IKZF1: variants seen among roughly 807,000 people sequenced by gnomAD.
IKZF1 encodes the protein DNA-binding protein Ikaros.
IKZF1 carries 10 observed loss-of-function variants against 51.7 expected under a neutral mutation model. The observed-to-expected ratio is 0.19, with a 90% confidence interval of 0.12 to 0.33. IKZF1 has a LOEUF of 0.33. Among genes scored for constraint, IKZF1 ranks in the 10% least tolerant of loss-of-function variants. IKZF1 has a pLI of 1.00. For synonymous variants in IKZF1, 280 were observed against 282.3 expected (o/e 0.99, Z 0.08); for missense variants, 484 against 707.5 (o/e 0.68, Z 3.58).
At chr7:50,364,353 T>C (rs1385088198) in intron 3 of IKZF1, among the ~76,000 whole-genome samples, 1 of 152,230 alleles carries the variant, frequency 6.6e-6, no homozygotes, top group Non-Finnish European at 1.5e-5. Flanking sequence ...TATATGAAAA[T>C]GTGCCTGAGA....
chr7:50,337,409 C>T (rs1798055463), intron 3 of IKZF1, among the ~76,000 whole-genome samples: 1 of 152,174 alleles, frequency 6.6e-6, no homozygotes, highest in African/African-American at 2.4e-5. Flanking sequence ...TGGCGCTCTT[C>T]TCCCTTCCCT....
chr7:50,330,358 G>A (rs1796179558), intron 3 of IKZF1, among the ~76,000 whole-genome samples: 1 of 152,254 alleles, frequency 6.6e-6, no homozygotes, highest in African/African-American at 2.4e-5. Context: ...GCACTGAGAT[G>A]ATTTGGGAGA....
chr7:50,355,791 A>G (rs1325456690), intron 3 of IKZF1, among the ~76,000 whole-genome samples: 3 of 152,230 alleles, frequency 2.0e-5, no homozygotes, highest in Admixed American at 6.5e-5. Flanking sequence ...AAAGCGGTGC[A>G]TTCATTTAAA....
In IKZF1 at chr7:50,370,724, G is replaced by A. The variant is rs530879712; in HGVS notation, c.161-5809G>A. On this transcript the variant is annotated intron_variant, in intron 3 of 7. Transcript: ENST00000331340. ...TCTCTCAGTCAATGAAAGAGCCCAC[G>A]GTGGGCATGAGCCAGAGTGTTCCGG... 3.3e-5 allele frequency among the ~76,000 whole-genome samples: 5 copies of A among 152,318 alleles called. No homozygotes were observed. In the South Asian group the frequency reaches 6.2e-4, roughly 19 times the overall value.
chr7:50,334,864 GTGTA>G (rs1797268951), intron 3 of IKZF1, among the ~76,000 whole-genome samples: 1 of 150,470 alleles, frequency 6.6e-6, no homozygotes, highest in African/African-American at 2.4e-5. Flanking sequence ...GGGTATGTGT[GTGTA>G]TGGGATGTGT....
In IKZF1 at chr7:50,402,346, A is replaced by G. The variant is rs1818275881; in HGVS notation, c.*1719A>G. 3 of 230,418 alleles carry G rather than the reference A, an allele frequency of 1.3e-5. No individual in the cohort carries two copies. Among genetic ancestry groups the G allele is most frequent in the Non-Finnish European group, 2.6e-5 (3 of 116,264 alleles). 14.3% of individuals were successfully genotyped at this position (230,418 alleles called of 1,614,324 possible). On this transcript the variant is annotated 3_prime_UTR_variant, in exon 8 of 8. Transcript: ENST00000331340. ...AGCACTATGACATTTTGGGCTGACT[A>G]CTTATTTGTTAGGCGGGAGCTCTCC...
chr7:50,333,420 A>G (rs1796855492), intron 3 of IKZF1, among the ~76,000 whole-genome samples: 1 of 152,086 alleles, frequency 6.6e-6, no homozygotes, highest in Non-Finnish European at 1.5e-5. Flanking sequence ...CACCATGGAA[A>G]GAAAGCAGCC....
Position 50,400,884 on chromosome 7 carries a change from G to T in IKZF1, c.*257G>T, listed in dbSNP as rs191524366. 6 of 522,646 alleles carry T rather than the reference G, an allele frequency of 1.1e-5. No homozygotes were observed. In the Admixed American group the frequency reaches 2.2e-4, roughly 20 times the overall value. 32.4% of individuals were successfully genotyped at this position (522,646 alleles called of 1,614,324 possible). Reference sequence around the variant, plus strand: ...ACCTTCCTAGATGTTTCCCCAGACCGCTGGCTGAGATTCCCTCACCTGTCG... The same window carrying T: ...ACCTTCCTAGATGTTTCCCCAGACCTCTGGCTGAGATTCCCTCACCTGTCG... On this transcript the variant is annotated 3_prime_UTR_variant, in exon 8 of 8. Coordinates refer to ENST00000331340, the MANE Select transcript of IKZF1 (RefSeq NM_006060.6). This position sits in a 1 kb window ranked among gnomAD's most constrained non-coding sequence, Gnocchi z 5.4.
At chr7:50,357,251 T>A in intron 3 of IKZF1, among the ~76,000 whole-genome samples, 1 of 152,054 alleles carries the variant, frequency 6.6e-6, no homozygotes, top group East Asian at 1.9e-4. Flanking sequence ...TCCTGTTGCC[T>A]GGGGACTTCA....
chr7:50,339,215 T>TTTTG (rs1199222417), intron 3 of IKZF1, among the ~76,000 whole-genome samples: 1 of 126,404 alleles, frequency 7.9e-6, no homozygotes, highest in Non-Finnish European at 1.6e-5. Context: ...TTGGGTAGGG[T>TTTTG]TGTGTGTGTG....
intron 7 of IKZF1, among the ~76,000 whole-genome samples, chr7:50,392,855 A>G (rs1301135904): frequency 6.6e-6 from 1 of 152,164 alleles, no homozygotes; most frequent in East Asian, 1.9e-4. Flanking sequence ...AATGCTGACC[A>G]TGAGGGTTGG....
At chr7:50,352,596 A>T (rs1316258567) in intron 3 of IKZF1, among the ~76,000 whole-genome samples, 2 of 152,162 alleles carry the variant, frequency 1.3e-5, no homozygotes, top group Non-Finnish European at 2.9e-5. Context: ...ACGGGATGGG[A>T]TTGGCTGGTG....
chr7:50,345,417 A>G (rs1800104118), intron 3 of IKZF1, among the ~76,000 whole-genome samples: 2 of 152,214 alleles, frequency 1.3e-5, no homozygotes, highest in African/African-American at 4.8e-5. Flanking sequence ...GTGGAGCTAA[A>G]CAAACTGCAG....
chr7:50,363,494 C>T (rs1010364818), intron 3 of IKZF1, among the ~76,000 whole-genome samples: 1 of 152,094 alleles, frequency 6.6e-6, no homozygotes, highest in Non-Finnish European at 1.5e-5. Context: ...TACCCAGTGC[C>T]CTGGGGAGCT....
Position 50,361,298 on chromosome 7 carries a change from T to G in IKZF1, c.161-15235T>G, listed in dbSNP as rs192272185. On this transcript the variant is annotated intron_variant, in intron 3 of 7. Transcript: ENST00000331340. ...AAAACTTGGGGGTAATTTCTAGAGG[T>G]GCCATCATAGTGCTTCTGTCTACTC... 2.1e-3 allele frequency among the ~76,000 whole-genome samples: 324 copies of G among 152,314 alleles called. 3 individuals carry two copies. The highest frequency in any genetic ancestry group is 7.4e-3 in the African/African-American group (309 of 41,554).
chr7:50,326,152 G>A (rs1222759612), intron 2 of IKZF1, among the ~76,000 whole-genome samples: 1 of 152,212 alleles, frequency 6.6e-6, no homozygotes, highest in Non-Finnish European at 1.5e-5. Flanking sequence ...TACTGGTCTT[G>A]CCAGTCGTCT....
At chr7:50,304,391 G>A (rs1489807179), upstream of IKZF1, 2 of 150,078 alleles carry the variant, frequency 1.3e-5, no homozygotes, top group South Asian at 2.0e-4. Context: ...CTGCGGGGCA[G>A]GTCGAGCAGG....
intron 3 of IKZF1, chr7:50,368,500 C>T: frequency 1.7e-6 from 1 of 593,766 alleles, no homozygotes; most frequent in South Asian, 2.1e-5. Flanking sequence ...ATCTGTGGTT[C>T]TGGAGTATTA....
rs925096680 is a variant in IKZF1, at chr7:50,404,183, T to C, written c.*3556T>C. The C allele has an allele frequency of 4.6e-6, 1 of 215,142 alleles. No individual in the cohort carries two copies. The highest frequency in any genetic ancestry group is 2.3e-5 in the African/African-American group (1 of 44,274). The allele number at this position is 215,142 out of a possible 1,614,324, so 13.3% of individuals were successfully genotyped here. A position where few individuals can be genotyped will look rare whatever the true frequency, so the allele number is the denominator to read the frequency against. ...TAATACAGTTTTTTATAATGTTGTG[T>C]GTGGTGATTGTTCAGGTCGAATCTG... On this transcript the variant is annotated 3_prime_UTR_variant, in exon 8 of 8. Coordinates refer to ENST00000331340, the MANE Select transcript of IKZF1 (RefSeq NM_006060.6).
Sources: allele counts gnomAD v4.1 joint callset (sites outside exome capture counted in the v4.1 genomes callset), GRCh38; gene constraint gnomAD v4.1.1; non-coding constraint Gnocchi (gnomAD v3.1); transcripts MANE v1.5; gene names NCBI Gene and HGNC (gene_info 2026-07-23, HGNC 2026-07-21).